The following FER variants were observed in gnomAD, a reference collection of about 807,000 sequenced individuals.
The protein encoded by FER is FER tyrosine kinase.
In FER, 63 loss-of-function variants were observed where a neutral mutation model predicts 111.0. That is an observed-to-expected ratio of 0.57 (90% CI 0.46 to 0.70). The LOEUF is 0.70. Among genes scored for constraint, FER ranks in the 30% least tolerant of loss-of-function variants. FER has a pLI of 0.00. For synonymous variants in FER, 327 were observed against 313.9 expected (o/e 1.04, Z -0.44); for missense variants, 914 against 954.0 (o/e 0.96, Z 0.55).
intron 15 of FER, among the ~76,000 whole-genome samples, chr5:109,045,780 C>A (rs1771882256): frequency 6.6e-6 from 1 of 152,186 alleles, no homozygotes; most frequent in South Asian, 2.1e-4. Context: ...TGGCCACACA[C>A]AGTTATCTCT....
chr5:109,182,489 T>C (rs1758385019), intron 18 of FER, among the ~76,000 whole-genome samples: 1 of 152,198 alleles, frequency 6.6e-6, no homozygotes, highest in African/African-American at 2.4e-5. Flanking sequence ...GGTCAGATTA[T>C]ATTACTAAGG....
At chr5:109,120,529 A>T (rs899579309) in intron 17 of FER, among the ~76,000 whole-genome samples, 1 of 152,044 alleles carries the variant, frequency 6.6e-6, no homozygotes, top group Admixed American at 6.6e-5. Flanking sequence ...ATAGTCAGGT[A>T]ATGTGTTTCC....
intron 18 of FER, 121 bp downstream of exon 18, chr5:109,181,022 A>G: frequency 1.4e-6 from 1 of 735,460 alleles, no homozygotes; most frequent in East Asian, 3.1e-5. Flanking sequence ...GAGGATCAAC[A>G]CAAATAAGTG....
intron 17 of FER, among the ~76,000 whole-genome samples, chr5:109,142,060 G>A (rs534222538): frequency 8.5e-5 from 13 of 152,162 alleles, no homozygotes; most frequent in African/African-American, 3.1e-4. Context: ...TTTTCCGTGA[G>A]CATTATCAAC....
chr5:108,862,248 T>G (rs1488072940), intron 5 of FER, among the ~76,000 whole-genome samples: 2 of 152,210 alleles, frequency 1.3e-5, no homozygotes, highest in East Asian at 3.8e-4. Flanking sequence ...CTCTAATGAC[T>G]TCAGGCTGTT....
intron 16 of FER, among the ~76,000 whole-genome samples, chr5:109,073,056 T>A (rs1294838533): frequency 3.9e-5 from 6 of 152,132 alleles, no homozygotes; most frequent in African/African-American, 1.4e-4. Flanking sequence ...CACCCTAATA[T>A]GATCACATAA....
Position 108,897,740 on chromosome 5 carries a change from GT to G in FER, c.1132del (p.Ser378GlnfsTer7). The G allele has an allele frequency of 6.2e-7, 1 of 1,613,574 alleles. No individual in the cohort carries two copies. ...AGCAGCTGAGATGCACTGAAGCAAA[GT>G]TTTCAGCACAGAAGGAATTACTAGA... is the stretch of plus-strand genomic sequence containing the variant. ...VQQLRCTEAKFSAQKELLEQK... is the reference protein window; with the variant it reads ...VQQLRCTEAKXSAQKELLEQK... On this transcript the variant is annotated frameshift_variant, in exon 10 of 20. Transcript: ENST00000281092. LOFTEE classifies it high-confidence loss of function.
chr5:108,930,149 T>A (rs879427767), intron 10 of FER, among the ~76,000 whole-genome samples: 4 of 151,968 alleles, frequency 2.6e-5, no homozygotes, highest in Non-Finnish European at 4.4e-5. Context: ...ACCTTTTTTG[T>A]CTTTCTTTTT....
At chr5:108,907,703 T>A (rs935330701) in intron 10 of FER, among the ~76,000 whole-genome samples, 5 of 152,148 alleles carry the variant, frequency 3.3e-5, no homozygotes, top group African/African-American at 1.2e-4. Flanking sequence ...AAAATTGCAA[T>A]AAACAAATGA....
rs554648917 is a variant in FER, at chr5:108,817,263, C to T, written c.208-15507C>T. Among the ~76,000 whole-genome samples the T allele has an allele frequency of 5.3e-5, 8 of 151,842 alleles. No individual in the cohort carries two copies. The East Asian group carries it at 7.8e-4, about 15-fold the overall frequency. On this transcript the variant is annotated intron_variant, in intron 3 of 19. Coordinates refer to ENST00000281092, the MANE Select transcript of FER (RefSeq NM_005246.4). Reference sequence around the variant, plus strand: ...GTATCTAAAATTTCCTTTGAACTTGCGATTGAATCTTTGAAAACTTCAGCT... The same window carrying T: ...GTATCTAAAATTTCCTTTGAACTTGTGATTGAATCTTTGAAAACTTCAGCT...
chr5:109,052,716 A>G (rs1477458765), intron 16 of FER, among the ~76,000 whole-genome samples: 2 of 152,202 alleles, frequency 1.3e-5, no homozygotes, highest in Non-Finnish European at 1.5e-5. Flanking sequence ...GGATAATCTT[A>G]TTTTAAGGTC....
rs191353185 is a variant in FER at position 108,974,481 on chromosome 5, A to G, written c.1656+15134A>G. ...ATTCTATCTTATACACCTGGAGTGG[A>G]GACTACATTAGTCATCAGGGAAAGA... On this transcript the variant is annotated intron_variant, in intron 13 of 19. Transcript: ENST00000281092. 1.1e-3 allele frequency among the ~76,000 whole-genome samples: 172 copies of G among 152,348 alleles called. 1 individual carries two copies. Among genetic ancestry groups the G allele is most frequent in the African/African-American group, 4.1e-3 (171 of 41,586 alleles).
chr5:108,787,415 A>T (rs2150013895), intron 2 of FER, among the ~76,000 whole-genome samples: 1 of 152,292 alleles, frequency 6.6e-6, no homozygotes, highest in South Asian at 2.1e-4. Flanking sequence ...TTAAAGGCAG[A>T]CAGGTTCCTA....
chr5:108,925,681 A>T (rs1056478459), intron 10 of FER, among the ~76,000 whole-genome samples: 10 of 152,066 alleles, frequency 6.6e-5, no homozygotes, highest in African/African-American at 2.4e-4. Context: ...TATTTTCTTT[A>T]TTTTGAAGAT....
intron 5 of FER, among the ~76,000 whole-genome samples, chr5:108,849,259 C>G (rs1762314894): frequency 6.6e-6 from 1 of 152,022 alleles, no homozygotes; most frequent in Non-Finnish European, 1.5e-5. Flanking sequence ...TCTCTTTTTG[C>G]TTTCTTTCAG....
Position 109,196,790 on chromosome 5 carries a change from G to A in FER, c.*9215G>A, listed in dbSNP as rs183161039. ...TAGACCAGTTACCACTCATGTGTCT[G>A]CAGAACCTCTTTATTGTATTCCTAT... is the stretch of plus-strand genomic sequence containing the variant. On this transcript the variant is annotated 3_prime_UTR_variant, in exon 20 of 20. Coordinates refer to ENST00000281092, the MANE Select transcript of FER (RefSeq NM_005246.4). 1.2e-3 allele frequency: 189 copies of A among 152,136 alleles called. No homozygotes were observed. The highest frequency in any genetic ancestry group is 4.3e-3 in the African/African-American group (180 of 41,518). 9.4% of individuals were successfully genotyped at this position (152,136 alleles called of 1,614,324 possible). A position where few individuals can be genotyped will look rare whatever the true frequency, so the allele number is the denominator to read the frequency against.
At position 109,152,730 on chromosome 5, in the gene FER, T is replaced by A. The variant is rs896496248; in HGVS notation, c.2049-28017T>A. 5.2e-4 allele frequency among the ~76,000 whole-genome samples: 79 copies of A among 152,114 alleles called. 1 individual carries two copies. The highest frequency in any genetic ancestry group is 3.4e-3 in the Middle Eastern group (1 of 294). ...ATACTTATGGCTACATTTTCAGTTTTGCTATCATGTTCAGGAAAGCAAAGC... is the reference window on the plus strand; with the variant it reads ...ATACTTATGGCTACATTTTCAGTTTAGCTATCATGTTCAGGAAAGCAAAGC... On this transcript the variant is annotated intron_variant, in intron 17 of 19. Transcript: ENST00000281092.
intron 17 of FER, among the ~76,000 whole-genome samples, chr5:109,124,823 G>A (rs1203484777): frequency 6.6e-6 from 1 of 152,114 alleles, no homozygotes; most frequent in African/African-American, 2.4e-5. Flanking sequence ...GAGACAGGTG[G>A]ATCACGAGGT....
chr5:109,071,554 A>G (rs983958446), intron 16 of FER, among the ~76,000 whole-genome samples: 9 of 152,000 alleles, frequency 5.9e-5, no homozygotes, highest in Admixed American at 1.3e-4. Flanking sequence ...ATTATGCTTG[A>G]AAATATACAA....
Sources: gnomAD v4.1 joint callset for allele counts (sites outside exome capture counted in the v4.1 genomes callset) on GRCh38, gnomAD v4.1.1 for gene constraint, MANE v1.5 for transcripts, NCBI Gene and HGNC (gene_info 2026-07-23, HGNC 2026-07-21) for gene names.